The following CSMD1 variants were observed in gnomAD, a reference collection of about 807,000 sequenced individuals.
The protein encoded by CSMD1 is CUB and sushi domain-containing protein 1.
CSMD1 carries 213 observed loss-of-function variants against 417.5 expected under a neutral mutation model. The ratio of observed to expected loss-of-function variants is 0.51; its 90% CI spans 0.46 to 0.57. CSMD1 has a LOEUF of 0.57. Among genes scored for constraint, CSMD1 ranks in the 20% least tolerant of loss-of-function variants. The pLI is 0.00. For missense variants in CSMD1, 6,923 were observed against 4,529.7 expected (o/e 1.53, Z -15.17); for synonymous variants, 2,862 against 1,736.8 (o/e 1.65, Z -16.11).
intron 3 of CSMD1, among the ~76,000 whole-genome samples, chr8:4,322,096 A>G (rs1346632868): frequency 6.6e-6 from 1 of 152,198 alleles, no homozygotes; most frequent in African/African-American, 2.4e-5. Flanking sequence ...CTCTTTAATT[A>G]CATAAATACT....
intron 50 of CSMD1, among the ~76,000 whole-genome samples, chr8:3,043,472 G>C (rs1013927785): frequency 6.6e-6 from 1 of 152,002 alleles, no homozygotes; most frequent in Non-Finnish European, 1.5e-5. Context: ...TATCAAGCTA[G>C]TATTGCTCTG....
chr8:4,657,986 A>G (rs1804351858), intron 1 of CSMD1, among the ~76,000 whole-genome samples: 1 of 107,626 alleles, frequency 9.3e-6, no homozygotes, highest in East Asian at 2.7e-4. Context: ...TAAAGCAGGT[A>G]GAAGAAAGAA....
At chr8:4,385,239 G>C (rs1034292665) in intron 3 of CSMD1, among the ~76,000 whole-genome samples, 3 of 152,118 alleles carry the variant, frequency 2.0e-5, no homozygotes, top group African/African-American at 4.8e-5. Flanking sequence ...CATTAAAAAA[G>C]TTCTTAAATA....
At chr8:4,258,945 A>G (rs188150677) in intron 3 of CSMD1, among the ~76,000 whole-genome samples, 124 of 152,278 alleles carry the variant, frequency 8.1e-4, no homozygotes, top group African/African-American at 2.8e-3. Flanking sequence ...TATTTCATCG[A>G]CTTAATACAC....
intron 1 of CSMD1, among the ~76,000 whole-genome samples, chr8:4,846,957 T>C (rs1801181315): frequency 6.6e-6 from 1 of 152,122 alleles, no homozygotes; most frequent in Admixed American, 6.5e-5. Context: ...AAAGATTATG[T>C]AGTGATTTTT....
chr8:3,481,179 A>AAAAAAAG (rs1817728124), intron 11 of CSMD1, among the ~76,000 whole-genome samples: 1 of 127,946 alleles, frequency 7.8e-6, no homozygotes, highest in South Asian at 2.7e-4. Flanking sequence ...AAAAAAAAAA[A>AAAAAAAG]CCAGAGTAGT....
intron 6 of CSMD1, among the ~76,000 whole-genome samples, chr8:3,709,679 T>TG (rs71534365): frequency 0.017 from 1,842 of 105,528 alleles, 218 homozygotes; most frequent in South Asian, 0.026. Context: ...TGCAGCAGCA[T>TG]GTTTTTTTTT....
chr8:4,334,925 C>A (rs1013429310), intron 3 of CSMD1, among the ~76,000 whole-genome samples: 2 of 152,138 alleles, frequency 1.3e-5, no homozygotes, highest in African/African-American at 2.4e-5. Flanking sequence ...TCTACCCCCA[C>A]AGATGCTGTA....
At chr8:4,046,429 G>A (rs1244256042) in intron 3 of CSMD1, among the ~76,000 whole-genome samples, 2 of 152,118 alleles carry the variant, frequency 1.3e-5, no homozygotes, top group African/African-American at 4.8e-5. Flanking sequence ...ACCTAAATGT[G>A]CTTTCTGTTA....
At chr8:3,580,586 TAAG>T (rs1463449667) in intron 9 of CSMD1, among the ~76,000 whole-genome samples, 3 of 152,066 alleles carry the variant, frequency 2.0e-5, no homozygotes, top group Non-Finnish European at 4.4e-5. Flanking sequence ...GTAAAAATAA[TAAG>T]GAGAAAAATA....
chr8:3,007,810 T>C (rs1306681366), intron 52 of CSMD1, among the ~76,000 whole-genome samples: 2 of 148,404 alleles, frequency 1.3e-5, no homozygotes, highest in African/African-American at 5.0e-5. Context: ...TCGGGAGATA[T>C]ACCTAATGCT....
intron 26 of CSMD1, among the ~76,000 whole-genome samples, chr8:3,283,369 T>G (rs552536632): frequency 6.6e-6 from 1 of 152,232 alleles, no homozygotes; most frequent in East Asian, 1.9e-4. Context: ...TACATTTATG[T>G]AGAGACCCAC....
intron 11 of CSMD1, among the ~76,000 whole-genome samples, chr8:3,475,647 C>A (rs1007469307): frequency 6.6e-6 from 1 of 152,192 alleles, no homozygotes; most frequent in Non-Finnish European, 1.5e-5. Context: ...ATCTTTTGCA[C>A]AGATTTCAGT....
At chr8:2,993,171 A>C (rs970690873) in intron 54 of CSMD1, among the ~76,000 whole-genome samples, 1 of 152,192 alleles carries the variant, frequency 6.6e-6, no homozygotes, top group Non-Finnish European at 1.5e-5. Flanking sequence ...ATATACACTT[A>C]TGTGAAATTT....
intron 46 of CSMD1, among the ~76,000 whole-genome samples, chr8:3,097,616 G>A (rs897482341): frequency 6.6e-5 from 10 of 152,276 alleles, no homozygotes; most frequent in South Asian, 2.1e-4. Context: ...GACATAGCCC[G>A]GGGATGATGA....
chr8:4,195,723 G>C (rs79917906), intron 3 of CSMD1, among the ~76,000 whole-genome samples: 1 of 152,180 alleles, frequency 6.6e-6, no homozygotes, highest in African/African-American at 2.4e-5. Context: ...ATGGCCCCCA[G>C]ACAGCAAAAC....
At chr8:3,998,259 G>T in intron 4 of CSMD1, 149 bp from the exon 5 acceptor site, 1 of 646,952 alleles carries the variant, frequency 1.5e-6, no homozygotes, top group South Asian at 2.0e-5. Flanking sequence ...CTTTTGGTAT[G>T]TTAATGAGTT....
intron 5 of CSMD1, among the ~76,000 whole-genome samples, chr8:3,788,380 C>A (rs1407145929): frequency 6.6e-6 from 1 of 152,116 alleles, no homozygotes; most frequent in African/African-American, 2.4e-5. Flanking sequence ...CCCACAGCAG[C>A]CTTCATTGGT....
At chr8:3,430,593 G>A (rs564626267) in intron 12 of CSMD1, among the ~76,000 whole-genome samples, 1 of 152,236 alleles carries the variant, frequency 6.6e-6, no homozygotes, top group South Asian at 2.1e-4. Flanking sequence ...GATCATTTGA[G>A]GTCAGGAGTT....
Sources: gnomAD v4.1 joint callset for allele counts (sites outside exome capture counted in the v4.1 genomes callset) on GRCh38, gnomAD v4.1.1 for gene constraint, MANE v1.5 for transcripts, NCBI Gene and HGNC (gene_info 2026-07-23, HGNC 2026-07-21) for gene names.